ESRRG: variants seen among roughly 807,000 people sequenced by gnomAD.
ESRRG encodes estrogen related receptor gamma, also known as estrogen-related receptor gamma.
In ESRRG, 13 loss-of-function variants were observed where a neutral mutation model predicts 44.0. That is an observed-to-expected ratio of 0.30 (90% confidence interval 0.19 to 0.47). ESRRG has a LOEUF of 0.47. ESRRG is among the 20% of genes least tolerant of loss of function. The pLI is 1.00. For missense variants in ESRRG, 395 were observed against 580.6 expected, an observed-to-expected ratio of 0.68 and a Z score of 3.29; for synonymous variants, 215 against 214.6, an observed-to-expected ratio of 1.00 and a Z score of -0.02.
chr1:217,044,987 G>T (rs1277130699), intron 1 of ESRRG, among the ~76,000 whole-genome samples: 1 of 152,116 alleles, frequency 6.6e-6, no homozygotes, highest in Admixed American at 6.5e-5. Context: ...AGCATAAAGA[G>T]AAATGAGCCC....
chr1:216,733,593 T>C (rs1375962767), intron 2 of ESRRG, among the ~76,000 whole-genome samples: 1 of 152,200 alleles, frequency 6.6e-6, no homozygotes, highest in East Asian at 1.9e-4. Flanking sequence ...AGTTACATAT[T>C]TATAAATAAA....
At chr1:216,536,630 CCTT>C (rs1245658625) in intron 5 of ESRRG, among the ~76,000 whole-genome samples, 2 of 152,126 alleles carry the variant, frequency 1.3e-5, no homozygotes, top group East Asian at 3.9e-4. Context: ...TCCACAGAAT[CCTT>C]CATTGTCAGG....
chr1:216,906,296 A>T (rs1162108587), intron 2 of ESRRG, among the ~76,000 whole-genome samples: 1 of 152,158 alleles, frequency 6.6e-6, no homozygotes, highest in Non-Finnish European at 1.5e-5. Context: ...TGTGCTGCTG[A>T]TAGTTTTATT....
At chr1:217,091,216 C>T (rs1250876831), upstream of ESRRG, among the ~76,000 whole-genome samples, 1 of 152,142 alleles carries the variant, frequency 6.6e-6, no homozygotes, top group Non-Finnish European at 1.5e-5. Context: ...GCCTTTGTCA[C>T]CATCATGTAT....
At chr1:216,727,036 T>C (rs2087670696), upstream of ESRRG, among the ~76,000 whole-genome samples, 1 of 152,220 alleles carries the variant, frequency 6.6e-6, no homozygotes, top group South Asian at 2.1e-4. Context: ...TGCATATTAA[T>C]AGCTATTTTT....
chr1:216,543,830 T>G (rs2053634076), intron 5 of ESRRG, among the ~76,000 whole-genome samples: 1 of 152,042 alleles, frequency 6.6e-6, no homozygotes, highest in South Asian at 2.1e-4. Context: ...GTTAAAAACA[T>G]GAAGAGATTA....
chr1:216,534,973 T>C lies in ESRRG; in HGVS notation c.863-15552A>G, dbSNP rs145786747. 1.2e-3 allele frequency among the ~76,000 whole-genome samples: 177 copies of C among 152,124 alleles called. 5 individuals are homozygous for C. In the East Asian group the frequency reaches 0.016, roughly 13 times the overall value. On this transcript the variant is annotated intron_variant, in intron 5 of 6. Transcript: ENST00000408911. The stretch of plus-strand genomic sequence containing the variant: ...ATCCAAGTCAGCCTGCAAACTGAAA[T>C]GATGGACCATGCAGAGAAGGCAAGA...
chr1:216,725,383 G>T (rs1416022838), upstream of ESRRG, among the ~76,000 whole-genome samples: 1 of 151,880 alleles, frequency 6.6e-6, no homozygotes, highest in Admixed American at 6.6e-5. Flanking sequence ...TGTGAGCAGT[G>T]AATTAAAAGA....
At chr1:217,048,526 G>A in intron 1 of ESRRG, among the ~76,000 whole-genome samples, 1 of 152,156 alleles carries the variant, frequency 6.6e-6, no homozygotes, top group East Asian at 1.9e-4. Context: ...GGGCAGCAGT[G>A]AGGACCCAGA....
At chr1:216,786,217 T>C (rs534664233) in intron 2 of ESRRG, among the ~76,000 whole-genome samples, 3 of 152,122 alleles carry the variant, frequency 2.0e-5, no homozygotes, top group Non-Finnish European at 4.4e-5. Flanking sequence ...TAGAGATTCA[T>C]GTGCTGCAAG....
chr1:216,959,233 T>C (rs1865920), intron 1 of ESRRG, among the ~76,000 whole-genome samples: 78,222 of 151,828 alleles, frequency 0.52, 21,871 homozygotes, highest in Middle Eastern at 0.7. Flanking sequence ...AAGTTTTTAA[T>C]GCTCCAGAAG....
chr1:216,852,605 A>G (rs1017821035), intron 2 of ESRRG, among the ~76,000 whole-genome samples: 2 of 152,220 alleles, frequency 1.3e-5, no homozygotes, highest in African/African-American at 4.8e-5. Context: ...AAAATTGAGC[A>G]GAGGTAAGCA....
chr1:216,613,077 T>C (rs2060892556), intron 3 of ESRRG, among the ~76,000 whole-genome samples: 1 of 152,198 alleles, frequency 6.6e-6, no homozygotes, highest in African/African-American at 2.4e-5. Context: ...GGAATTTTTG[T>C]TTGGTTTGTG....
In ESRRG at chr1:216,809,016, G is replaced by A. The variant is rs188389268; in HGVS notation, c.-14+130566C>T. Among the ~76,000 whole-genome samples, 920 of 152,216 alleles carry A rather than the reference G, an allele frequency of 6.0e-3. 7 individuals are homozygous for A. The highest frequency in any genetic ancestry group is 9.8e-3 in the Non-Finnish European group (669 of 68,008). ...ACTGTTAAGTCACTATTAGTTGCCA[G>A]GCACTGTGCTAGCTTACATGTCTAT... On this transcript the variant is annotated intron_variant, in intron 2 of 7. Transcript: ENST00000359162.
intron 6 of ESRRG, among the ~76,000 whole-genome samples, chr1:216,514,882 A>G (rs979988345): frequency 1.8e-4 from 28 of 152,228 alleles, no homozygotes; most frequent in Admixed American, 1.7e-3. Flanking sequence ...ACCAGCAGCT[A>G]AAACTATCTC....
chr1:216,879,275 T>A (rs145838349), intron 2 of ESRRG, among the ~76,000 whole-genome samples: 13 of 152,152 alleles, frequency 8.5e-5, no homozygotes, highest in Non-Finnish European at 1.8e-4. Context: ...AGCACTGAAC[T>A]CACTCTCAAA....
chr1:217,072,803 C>T (rs148386110), intron 1 of ESRRG, among the ~76,000 whole-genome samples: 26 of 152,194 alleles, frequency 1.7e-4, no homozygotes, highest in African/African-American at 6.0e-4. Context: ...AATCTGAAAT[C>T]GCAAGCCATA....
chr1:216,851,116 G>A (rs1346849770), intron 2 of ESRRG, among the ~76,000 whole-genome samples: 1 of 150,932 alleles, frequency 6.6e-6, no homozygotes, highest in Middle Eastern at 3.2e-3. Flanking sequence ...ATCAGATATC[G>A]TGAGTATGTT....
chr1:217,037,299 C>A (rs1250440242), intron 1 of ESRRG, among the ~76,000 whole-genome samples: 1 of 152,094 alleles, frequency 6.6e-6, no homozygotes, highest in Admixed American at 6.5e-5. Flanking sequence ...GGAAACTGGG[C>A]AATTTATAAA....
Sources: allele counts gnomAD v4.1 joint callset (sites outside exome capture counted in the v4.1 genomes callset), GRCh38; gene constraint gnomAD v4.1.1; transcripts MANE v1.5; gene names NCBI Gene and HGNC (gene_info 2026-07-23, HGNC 2026-07-21).